DLC1: variants seen among roughly 807,000 people sequenced by gnomAD.
DLC1 encodes rho GTPase-activating protein 7.
In DLC1, 54 loss-of-function variants were observed where a neutral mutation model predicts 140.3. The observed-to-expected ratio is 0.38, with a 90% CI of 0.31 to 0.48. DLC1 has a LOEUF of 0.48. DLC1 is among the 20% of genes least tolerant of loss of function. DLC1 has a pLI of 0.96. For missense variants in DLC1, 2,536 were observed against 1,907.0 expected, an observed-to-expected ratio of 1.33 and a Z score of -6.14; for synonymous variants, 986 against 728.1, an observed-to-expected ratio of 1.35 and a Z score of -5.70.
chr8:13,238,740 C>A (rs1344334346), intron 5 of DLC1, among the ~76,000 whole-genome samples: 1 of 152,116 alleles, frequency 6.6e-6, no homozygotes, highest in African/African-American at 2.4e-5. Context: ...CAGCTGTGGC[C>A]CTGGGTTACA....
chr8:13,354,148 A>G (rs1030209980), intron 4 of DLC1, among the ~76,000 whole-genome samples: 1 of 151,940 alleles, frequency 6.6e-6, no homozygotes, highest in African/African-American at 2.4e-5. Flanking sequence ...CTATTGATCA[A>G]TATTTGTTCA....
chr8:13,084,797 A>T lies in DLC1; in HGVS notation c.*1014T>A, dbSNP rs1325742566. ...TTAAATTTACAGGGATTTCCTTGGG[A>T]CACACATAGTTTCCTATATTCCCAA... On this transcript the variant is annotated 3_prime_UTR_variant, in exon 18 of 18. Coordinates refer to ENST00000276297, the MANE Select transcript of DLC1 (RefSeq NM_182643.3). 1 of 152,224 alleles carries T rather than the reference A, an allele frequency of 6.6e-6. No individual in the cohort carries two copies. The highest frequency in any genetic ancestry group is 1.5e-5 in the Non-Finnish European group (1 of 68,032). The allele number at this position is 152,224 out of a possible 1,614,324, so 9.4% of individuals were successfully genotyped here.
chr8:13,117,922 AT>A (rs1226735484), intron 5 of DLC1, among the ~76,000 whole-genome samples: 5 of 152,166 alleles, frequency 3.3e-5, no homozygotes, highest in African/African-American at 1.2e-4. Context: ...TTTTTATATA[AT>A]AACTTTACAA....
chr8:13,209,833 T>A (rs112702326), intron 5 of DLC1, among the ~76,000 whole-genome samples: 16 of 152,290 alleles, frequency 1.1e-4, no homozygotes, highest in African/African-American at 3.8e-4. Flanking sequence ...AAGCAGATGC[T>A]GGTGTTATGC....
chr8:13,499,373 C>T lies in DLC1; in HGVS notation c.699G>A (p.Gln233=). Residue 233 remains glutamine (Q), a synonymous_variant, in exon 2 of 18, where the codon CAG becomes CAA. Transcript: ENST00000276297. ...KQLLNSAVIA[Q]QRRKPDPPKD... is the part of the protein sequence containing the mutation. ...TAGGGGGGTCAGGTTTCCTTCGTTG[C>T]TGAGCAATTACAGCAGAGTTAAGCA... The T allele has an allele frequency of 6.2e-7, 1 of 1,613,978 alleles. No homozygotes were observed. The highest frequency in any genetic ancestry group is 8.5e-7 in the Non-Finnish European group (1 of 1,180,000).
intron 1 of DLC1, among the ~76,000 whole-genome samples, chr8:13,593,176 G>T (rs529306453): frequency 2.0e-4 from 31 of 152,220 alleles, no homozygotes; most frequent in South Asian, 1.0e-3. Context: ...TTTATTAGCA[G>T]CAGGCCAAGA....
intron 4 of DLC1, among the ~76,000 whole-genome samples, chr8:13,360,965 T>C: frequency 6.6e-6 from 1 of 152,044 alleles, no homozygotes; most frequent in East Asian, 1.9e-4. Flanking sequence ...CTGCAGCGGC[T>C]CATGCCTGCG....
intron 5 of DLC1, among the ~76,000 whole-genome samples, chr8:13,190,353 C>T (rs926918729): frequency 6.6e-6 from 1 of 152,008 alleles, no homozygotes; most frequent in Non-Finnish European, 1.5e-5. Flanking sequence ...GGATTGTGGT[C>T]CCTGTTTCCC....
intron 1 of DLC1, among the ~76,000 whole-genome samples, chr8:13,600,806 C>A (rs1404496590): frequency 6.6e-6 from 1 of 151,512 alleles, no homozygotes; most frequent in Admixed American, 6.6e-5. Flanking sequence ...CAGAAATATA[C>A]AAGTGTAGAT....
rs756061173 is a variant in DLC1, at chr8:13,223,982, A to AT, written c.1348+81286dup. 3.3e-5 allele frequency among the ~76,000 whole-genome samples: 5 copies of AT among 152,292 alleles called. No homozygotes were observed. In the East Asian group the frequency reaches 9.7e-4, roughly 29 times the overall value. ...GCAAATAGAGTATGTGTAAGAAGCTATTTCTTTTTGCAACTATTTTACCTT... is the reference window on the plus strand; with the variant it reads ...GCAAATAGAGTATGTGTAAGAAGCTATTTTCTTTTTGCAACTATTTTACCTT... On this transcript the variant is annotated intron_variant, in intron 5 of 17. Transcript: ENST00000276297.
At chr8:13,557,686 A>C (rs924317499) in intron 1 of DLC1, 1 of 152,600 alleles carries the variant, frequency 6.6e-6, no homozygotes, top group Non-Finnish European at 1.5e-5. Context: ...ACCTTCTGCC[A>C]TGATTATAAG....
intron 5 of DLC1, 65 bp downstream of exon 5, chr8:13,305,204 T>G (rs1253862823): frequency 6.3e-7 from 1 of 1,584,658 alleles, no homozygotes; most frequent in Non-Finnish European, 8.6e-7. Flanking sequence ...ATAAAATGCC[T>G]ATTTTAAGGT....
At chr8:13,453,556 A>ATATT (rs1355906460) in intron 2 of DLC1, among the ~76,000 whole-genome samples, 2 of 26,926 alleles carry the variant, frequency 7.4e-5, no homozygotes, top group Non-Finnish European at 6.6e-5. Flanking sequence ...ATATATATAT[A>ATATT]TTTTTTTTTT....
chr8:13,497,276 T>C (rs940588254), intron 2 of DLC1, among the ~76,000 whole-genome samples: 2 of 152,178 alleles, frequency 1.3e-5, no homozygotes, highest in African/African-American at 4.8e-5. Flanking sequence ...ACTCATCCAA[T>C]AATGCATAAA....
At chr8:13,528,424 A>G (rs558898699) in intron 1 of DLC1, among the ~76,000 whole-genome samples, 18 of 152,336 alleles carry the variant, frequency 1.2e-4, no homozygotes, top group African/African-American at 4.1e-4. Flanking sequence ...GCAAGTAGCA[A>G]AAACGTTGCC....
At chr8:13,581,008 T>C (rs1030456616) in intron 1 of DLC1, among the ~76,000 whole-genome samples, 2 of 152,172 alleles carry the variant, frequency 1.3e-5, no homozygotes, top group Non-Finnish European at 2.9e-5. Flanking sequence ...CTTTCCCCCA[T>C]GTAGGGCAGG....
At chr8:13,343,026 G>A (rs75464382) in intron 4 of DLC1, among the ~76,000 whole-genome samples, 4,655 of 152,132 alleles carry the variant, frequency 0.031, 108 homozygotes, top group South Asian at 0.095. Context: ...TAATTTTCCC[G>A]TTAACGTTAA....
intron 5 of DLC1, among the ~76,000 whole-genome samples, chr8:13,123,602 C>A (rs1324120096): frequency 3.3e-5 from 5 of 151,984 alleles, no homozygotes. Context: ...CCTGCCTCGG[C>A]CTCCCTCCCA....
intron 5 of DLC1, among the ~76,000 whole-genome samples, chr8:13,211,815 A>G (rs1198897929): frequency 2.0e-5 from 3 of 152,242 alleles, no homozygotes; most frequent in Non-Finnish European, 4.4e-5. Context: ...AATTGAAAAG[A>G]AAACAAACCC....
Sources: gnomAD v4.1 joint callset for allele counts (sites outside exome capture counted in the v4.1 genomes callset) on GRCh38, gnomAD v4.1.1 for gene constraint, MANE v1.5 for transcripts, NCBI Gene and HGNC (gene_info 2026-07-23, HGNC 2026-07-21) for gene names.